Variants in CCDC50 observed in about 807,000 individuals in gnomAD.
The protein encoded by CCDC50 is coiled-coil domain containing 50.
Under a neutral mutation model 70.2 loss-of-function variants are expected in CCDC50, and 54 were observed. The ratio of observed to expected loss-of-function variants is 0.77; its 90% confidence interval spans 0.62 to 0.96. The LOEUF (loss-of-function observed/expected upper bound fraction) is 0.96, where lower values mean the gene tolerates loss of function less well. Ranked by LOEUF, CCDC50 falls within the 50% of genes least tolerant of loss-of-function variation. CCDC50 has a pLI of 0.00. For missense variants in CCDC50, 558 were observed against 578.7 expected (o/e 0.96, Z 0.37); for synonymous variants, 216 against 198.8 (o/e 1.09, Z -0.73).
chr3:191,367,957 T>C (rs1307674434), intron 4 of CCDC50, among the ~76,000 whole-genome samples: 1 of 151,958 alleles, frequency 6.6e-6, no homozygotes, highest in African/African-American at 2.4e-5. Context: ...TAGATTACTT[T>C]GTAAGATATT....
chr3:191,385,648 CAT>C (rs1713465113), intron 10 of CCDC50, among the ~76,000 whole-genome samples: 1 of 151,652 alleles, frequency 6.6e-6, no homozygotes, highest in African/African-American at 2.4e-5. Flanking sequence ...TCTTTAGTTA[CAT>C]TAAGTCCTAT....
chr3:191,336,173 A>G (rs1486227603), intron 1 of CCDC50, among the ~76,000 whole-genome samples: 1 of 151,356 alleles, frequency 6.6e-6, no homozygotes, highest in Admixed American at 6.6e-5. Flanking sequence ...TTTGAACATA[A>G]GTTTTTGTTT....
At chr3:191,379,172 G>A (rs1043361869) in intron 6 of CCDC50, among the ~76,000 whole-genome samples, 2 of 152,026 alleles carry the variant, frequency 1.3e-5, no homozygotes, top group African/African-American at 4.8e-5. Context: ...ATGAACTGGG[G>A]AGATTTAAAA....
intron 1 of CCDC50, among the ~76,000 whole-genome samples, chr3:191,340,431 A>G (rs1325562434): frequency 6.6e-6 from 1 of 152,248 alleles, no homozygotes; most frequent in African/African-American, 2.4e-5. Context: ...AAAATACAGA[A>G]TTAGGAAACT....
In CCDC50 at chr3:191,391,878, A is replaced by G; in HGVS notation, c.*118A>G. 1 of 894,724 alleles carries G rather than the reference A, an allele frequency of 1.1e-6. No individual in the cohort carries two copies. The highest frequency in any genetic ancestry group is 1.8e-6 in the Non-Finnish European group (1 of 555,976). 55.4% of individuals were successfully genotyped at this position (894,724 alleles called of 1,614,324 possible). ...GTTTGCATTCCTGGGATTTATCCTC[A>G]AGTGCATTTCTGACCATAAGTAATT... On this transcript the variant is annotated 3_prime_UTR_variant, in exon 12 of 12. Transcript: ENST00000392455.
intron 1 of CCDC50, among the ~76,000 whole-genome samples, chr3:191,346,365 A>T (rs1029112612): frequency 2.0e-4 from 31 of 152,182 alleles, no homozygotes; most frequent in African/African-American, 7.5e-4. Context: ...TTGTAATCTC[A>T]TAGTATGTTG....
intron 10 of CCDC50, among the ~76,000 whole-genome samples, chr3:191,386,093 G>T (rs447931): frequency 0.42 from 64,039 of 151,652 alleles, 15,154 homozygotes; most frequent in Non-Finnish European, 0.53. Flanking sequence ...GGATTGCCTC[G>T]GCTATGTGGC....
intron 1 of CCDC50, among the ~76,000 whole-genome samples, chr3:191,333,037 A>G (rs533368585): frequency 6.6e-6 from 1 of 152,036 alleles, no homozygotes; most frequent in East Asian, 1.9e-4. Context: ...AGTTCTCTCA[A>G]TCTCATTTTT....
chr3:191,370,117 CTTAGGGACCTGGGACTGTTTCTCTT>C, intron 5 of CCDC50, 81 bp downstream of exon 5: 1 of 966,486 alleles, frequency 1.0e-6, no homozygotes, highest in Non-Finnish European at 1.7e-6. Context: ...ATAAAGTGAC[CTTAGGGACCTGGGACTGTTTCTCTT>C]ATCCCCAGGC....
Position 191,393,088 on chromosome 3 carries a change from AT to A in CCDC50, c.*1330del, listed in dbSNP as rs1713751451. 6.6e-6 allele frequency: 1 copy of A among 152,224 alleles called. No homozygotes were observed. The highest frequency in any genetic ancestry group is 2.4e-5 in the African/African-American group (1 of 41,440). 9.4% of individuals were successfully genotyped at this position (152,224 alleles called of 1,614,324 possible). On this transcript the variant is annotated 3_prime_UTR_variant, in exon 12 of 12. Transcript: ENST00000392455. ...TGTATTCCTTTGTGCAAGGGATTGT[AT>A]TCCTCTGTACAAGACCTTTAAGCAC... is the stretch of plus-strand genomic sequence containing the variant.
rs111282965 is a variant in CCDC50 at position 191,378,731 on chromosome 3, G to GTTTTTTT, written c.977-1427_977-1421dup. On this transcript the variant is annotated intron_variant, in intron 6 of 11. Coordinates refer to ENST00000392455, the MANE Select transcript of CCDC50 (RefSeq NM_178335.3). ...GGTCCACTCTTGGGACTATGCCACT[G>GTTTTTTT]TTTTTTTGTTTGTTTGTTTGTTTGT... Among the ~76,000 whole-genome samples the GTTTTTTT allele has an allele frequency of 1.3e-3, 192 of 149,628 alleles. 3 individuals are homozygous for GTTTTTTT. The South Asian group carries it at 0.033, about 26-fold the overall frequency.
Position 191,395,206 on chromosome 3 carries a change from A to G in CCDC50, c.*3446A>G, listed in dbSNP as rs1399027513. 6.6e-6 allele frequency: 1 copy of G among 152,148 alleles called. No homozygotes were observed. Among genetic ancestry groups the G allele is most frequent in the Non-Finnish European group, 1.5e-5 (1 of 68,012 alleles). 9.4% of individuals were successfully genotyped at this position (152,148 alleles called of 1,614,324 possible). A position where few individuals can be genotyped will look rare whatever the true frequency, so the allele number is the denominator to read the frequency against. On this transcript the variant is annotated 3_prime_UTR_variant, in exon 12 of 12. Coordinates refer to ENST00000392455, the MANE Select transcript of CCDC50 (RefSeq NM_178335.3). ...TCATTAACCCCGCTTTTCTTCTCTA[A>G]TGTGTCCTGAAGCTGAGCTAGATGA...
At chr3:191,357,034 T>C in intron 1 of CCDC50, 54 bp from the exon 2 acceptor site, 1 of 1,111,692 alleles carries the variant, frequency 9.0e-7, no homozygotes, top group South Asian at 1.2e-5. Flanking sequence ...TTCCTTTGTA[T>C]GTTAAAGTAT....
intron 10 of CCDC50, 83 bp downstream of exon 10, chr3:191,382,908 G>GT: frequency 2.0e-6 from 2 of 1,017,354 alleles, no homozygotes; most frequent in South Asian, 1.3e-5. Flanking sequence ...AAGAGTGTAT[G>GT]TTTTTTGGAG....
chr3:191,358,660 C>A (rs959784902), intron 3 of CCDC50, among the ~76,000 whole-genome samples: 1 of 152,210 alleles, frequency 6.6e-6, no homozygotes, highest in Non-Finnish European at 1.5e-5. Context: ...TAGTAGCCTC[C>A]TTTAACACAC....
intron 1 of CCDC50, among the ~76,000 whole-genome samples, chr3:191,344,912 G>A (rs781160198): frequency 7.9e-5 from 12 of 152,260 alleles, no homozygotes; most frequent in Admixed American, 1.3e-4. Flanking sequence ...CCCATTGAGC[G>A]TTAGACTGTG....
At chr3:191,368,617 G>C (rs1433651951) in intron 4 of CCDC50, among the ~76,000 whole-genome samples, 1 of 137,634 alleles carries the variant, frequency 7.3e-6, no homozygotes, top group Non-Finnish European at 1.5e-5. Context: ...TGCCATCTGA[G>C]GGTATTCTTC....
At chr3:191,385,366 CAGAT>C (rs1304122191) in intron 10 of CCDC50, among the ~76,000 whole-genome samples, 1 of 152,110 alleles carries the variant, frequency 6.6e-6, no homozygotes, top group Non-Finnish European at 1.5e-5. Flanking sequence ...TAATTGTTGT[CAGAT>C]AGTATCTCAT....
In CCDC50 at chr3:191,329,493, C is replaced by T. The variant is rs897248714; in HGVS notation, c.-182C>T. The stretch of plus-strand genomic sequence containing the variant: ...GCCGCCAGCTTGGTGCCTCGGGGAC[C>T]GTCTCCCGCTGCTTTGGTCACCAGC... On this transcript the variant is annotated 5_prime_UTR_variant, in exon 1 of 12. Transcript: ENST00000392455. 7.6e-6 allele frequency: 4 copies of T among 527,640 alleles called. No homozygotes were observed. In the East Asian group the frequency reaches 1.1e-4, roughly 15 times the overall value. The allele number at this position is 527,640 out of a possible 1,614,324, so 32.7% of individuals were successfully genotyped here.
Sources: allele counts gnomAD v4.1 joint callset (sites outside exome capture counted in the v4.1 genomes callset), GRCh38; gene constraint gnomAD v4.1.1; transcripts MANE v1.5; gene names NCBI Gene and HGNC (gene_info 2026-07-23, HGNC 2026-07-21).